The following CDC14B variants were observed in gnomAD, a reference collection of about 807,000 sequenced individuals.
CDC14B encodes cell division cycle 14B.
Under a neutral mutation model 64.2 loss-of-function variants are expected in CDC14B, and 22 were observed. The observed-to-expected ratio is 0.34, with a 90% CI of 0.24 to 0.49. The LOEUF (loss-of-function observed/expected upper bound fraction) is 0.49, where lower values mean the gene tolerates loss of function less well. CDC14B is among the 20% of genes least tolerant of loss of function. The pLI, the probability that CDC14B is intolerant of heterozygous loss-of-function variation, is 0.99. For missense variants in CDC14B, 498 were observed against 629.9 expected (o/e 0.79, Z 2.24); for synonymous variants, 191 against 215.8 (o/e 0.89, Z 1.01).
intron 1 of CDC14B, among the ~76,000 whole-genome samples, chr9:96,594,714 C>CAAAAAAAAAAAAAA: frequency 2.4e-5 from 1 of 42,418 alleles, no homozygotes; most frequent in Non-Finnish European, 4.4e-5. Context: ...AAGGCTGTCT[C>CAAAAAAAAAAAAAA]AAAAAAAAAA....
rs77140813 is a variant in CDC14B at position 96,531,295 on chromosome 9, G to A, written c.946+2632C>T. ...GGGTTTTGCTTTCTCAGGAGGTTTT[G>A]GATTACTTAATCTCCTTATTAGTTA... On this transcript the variant is annotated intron_variant, in intron 9 of 13. Coordinates refer to ENST00000375241, the MANE Select transcript of CDC14B (RefSeq NM_033331.4). Among the ~76,000 whole-genome samples, 1,079 of 151,968 alleles carry A rather than the reference G, an allele frequency of 7.1e-3. 18 individuals carry two copies. Among genetic ancestry groups the A allele is most frequent in the African/African-American group, 0.025 (1,022 of 41,424 alleles).
At chr9:96,606,419 A>G (rs1303954284) in intron 1 of CDC14B, among the ~76,000 whole-genome samples, 1 of 151,082 alleles carries the variant, frequency 6.6e-6, no homozygotes, top group East Asian at 1.9e-4. Context: ...TGCAGTGCTC[A>G]TGCTTGTAAT....
chr9:96,574,779 A>C (rs1844703961), intron 1 of CDC14B, among the ~76,000 whole-genome samples: 1 of 151,986 alleles, frequency 6.6e-6, no homozygotes, highest in Non-Finnish European at 1.5e-5. Context: ...GATAACTCAC[A>C]GAATAGGAGA....
chr9:96,619,455 C>G lies in CDC14B; in HGVS notation c.-77G>C. ...CGCGCCCGCCGAGGCTCCCGCCAGC[C>G]CCGCGCGGGCGCTCGGGGCGGCGGG... is the stretch of plus-strand genomic sequence containing the variant. On this transcript the variant is annotated 5_prime_UTR_variant, in exon 1 of 14. Coordinates refer to ENST00000375241, the MANE Select transcript of CDC14B (RefSeq NM_033331.4). 3 of 870,528 alleles carry G rather than the reference C, an allele frequency of 3.4e-6. No individual in the cohort carries two copies. Among genetic ancestry groups the G allele is most frequent in the Non-Finnish European group, 4.1e-6 (3 of 726,052 alleles). The allele number at this position is 870,528 out of a possible 1,614,324, so 53.9% of individuals were successfully genotyped here. A position where few individuals can be genotyped will look rare whatever the true frequency, so the allele number is the denominator to read the frequency against.
At chr9:96,496,229 C>T (rs529573345), downstream of CDC14B, 4 of 470,766 alleles carry the variant, frequency 8.5e-6, no homozygotes, top group South Asian at 1.5e-5. Context: ...TTCAATTGCA[C>T]CTGGAGAGAA....
intron 1 of CDC14B, among the ~76,000 whole-genome samples, chr9:96,603,159 C>CGG (rs1164300101): frequency 7.1e-6 from 1 of 140,746 alleles, no homozygotes; most frequent in African/African-American, 2.9e-5. Context: ...GAAACGGACA[C>CGG]ACACACACAC....
At chr9:96,588,590 G>A (rs547610904) in intron 1 of CDC14B, among the ~76,000 whole-genome samples, 36 of 152,266 alleles carry the variant, frequency 2.4e-4, no homozygotes, top group Non-Finnish European at 3.4e-4. Flanking sequence ...GGGCTCAAGC[G>A]ATTCTCCCAC....
chr9:96,538,263 A>G, intron 7 of CDC14B, among the ~76,000 whole-genome samples: 1 of 152,232 alleles, frequency 6.6e-6, no homozygotes, highest in East Asian at 1.9e-4. Flanking sequence ...CACGGGGCAC[A>G]CTCATTCACT....
rs775942745 is a variant in CDC14B at position 96,605,917 on chromosome 9, G to A, written c.160+13302C>T. Among the ~76,000 whole-genome samples the A allele has an allele frequency of 9.9e-4, 151 of 152,200 alleles. 1 individual carries two copies. In the Middle Eastern group the frequency reaches 0.01, roughly 10 times the overall value. ...TAGTTACAACGAAGCAGCACTGCAT[G>A]ATGGTGTTATGTTCAATGGGATGTG... On this transcript the variant is annotated intron_variant, in intron 1 of 13. Coordinates refer to ENST00000375241, the MANE Select transcript of CDC14B (RefSeq NM_033331.4).
At chr9:96,527,046 C>T (rs556650117) in intron 9 of CDC14B, among the ~76,000 whole-genome samples, 1 of 152,206 alleles carries the variant, frequency 6.6e-6, no homozygotes, top group African/African-American at 2.4e-5. Context: ...CATCATTTTC[C>T]TGATTTCATT....
intron 1 of CDC14B, among the ~76,000 whole-genome samples, chr9:96,616,468 G>A (rs1464955480): frequency 6.6e-6 from 1 of 152,198 alleles, no homozygotes; most frequent in Non-Finnish European, 1.5e-5. Flanking sequence ...GCTCACGCCT[G>A]TAATCCCAGC....
intron 12 of CDC14B, among the ~76,000 whole-genome samples, chr9:96,519,066 G>A (rs893326527): frequency 3.9e-5 from 6 of 152,026 alleles, no homozygotes; most frequent in African/African-American, 9.7e-5. Flanking sequence ...ATCCCAGGAG[G>A]CGGAGCTTGC....
chr9:96,566,540 G>A (rs1843976046), intron 1 of CDC14B, among the ~76,000 whole-genome samples: 1 of 152,182 alleles, frequency 6.6e-6, no homozygotes, highest in Non-Finnish European at 1.5e-5. Context: ...GCTCCCGCGG[G>A]CGGGGAGGTG....
chr9:96,566,682 AGG>A, intron 1 of CDC14B: 1 of 1,324,398 alleles, frequency 7.6e-7, no homozygotes, highest in South Asian at 1.3e-5. Flanking sequence ...GGCCCAGACT[AGG>A]GGCACCTCCA....
intron 12 of CDC14B, among the ~76,000 whole-genome samples, chr9:96,510,674 C>T (rs1237832451): frequency 2.0e-5 from 3 of 150,008 alleles, no homozygotes; most frequent in Non-Finnish European, 4.4e-5. Flanking sequence ...GGCGTGATCT[C>T]GACTCACTGC....
At position 96,592,306 on chromosome 9, in the gene CDC14B, G is replaced by A. The variant is rs571457883; in HGVS notation, c.161-26823C>T. 2.2e-3 allele frequency among the ~76,000 whole-genome samples: 340 copies of A among 152,068 alleles called. 2 individuals carry two copies. The highest frequency in any genetic ancestry group is 3.7e-3 in the Non-Finnish European group (254 of 68,000). ...TTGCCCAGGCTGGTCTTGAATTCCC[G>A]GACTCAAGTGATCCACTCGCCTCTG... On this transcript the variant is annotated intron_variant, in intron 1 of 13. Transcript: ENST00000375241.
chr9:96,561,997 G>A (rs1034958694), intron 4 of CDC14B, among the ~76,000 whole-genome samples: 2 of 152,120 alleles, frequency 1.3e-5, no homozygotes, highest in African/African-American at 4.8e-5. Flanking sequence ...TCCACTGGGT[G>A]CCAAACAAAA....
intron 12 of CDC14B, among the ~76,000 whole-genome samples, chr9:96,517,937 A>G (rs1398031534): frequency 6.6e-6 from 1 of 151,504 alleles, no homozygotes; most frequent in Non-Finnish European, 1.5e-5. Context: ...CTCCCAAAGC[A>G]CTGGGATTAC....
chr9:96,494,808 TC>T lies in CDC14B; in HGVS notation c.*80+1398del, dbSNP rs1232336212. Reference sequence around the variant, plus strand: ...TCCCCTCCCGTCCTGTCCAGTCTCGTCCCGTCCCATCCCGTCTCCCCTCCCC... The same window carrying T: ...TCCCCTCCCGTCCTGTCCAGTCTCGTCCGTCCCATCCCGTCTCCCCTCCCC... On this transcript the variant is annotated intron_variant and NMD_transcript_variant, in intron 13 of 13. Transcript: ENST00000474602. 4.8e-5 allele frequency among the ~76,000 whole-genome samples: 5 copies of T among 105,008 alleles called. No homozygotes were observed. In the East Asian group the frequency reaches 9.6e-4, roughly 20 times the overall value. The allele number at this position is 105,008 out of a possible 152,430, so 68.9% of individuals were successfully genotyped here.
Sources: gnomAD v4.1 joint callset for allele counts (sites outside exome capture counted in the v4.1 genomes callset) on GRCh38, gnomAD v4.1.1 for gene constraint, MANE v1.5 for transcripts, NCBI Gene and HGNC (gene_info 2026-07-23, HGNC 2026-07-21) for gene names.